The following NRXN3 variants were observed in gnomAD, a reference collection of about 807,000 sequenced individuals.
NRXN3 encodes the protein neurexin III.
A neutral mutation model predicts 137.6 loss-of-function variants in NRXN3; 32 were observed. The ratio of observed to expected loss-of-function variants is 0.23; its 90% CI spans 0.18 to 0.31. The LOEUF (loss-of-function observed/expected upper bound fraction) is 0.31. Among genes scored for constraint, NRXN3 ranks in the 10% least tolerant of loss-of-function variants. NRXN3 has a pLI of 1.00. For missense variants in NRXN3, 1,574 were observed against 2,062.5 expected, an observed-to-expected ratio of 0.76 and a Z score of 4.59; for synonymous variants, 798 against 784.5, an observed-to-expected ratio of 1.02 and a Z score of -0.29.
chr14:78,628,393 T>C (rs1384866106), intron 4 of NRXN3, among the ~76,000 whole-genome samples: 1 of 152,274 alleles, frequency 6.6e-6, no homozygotes, highest in East Asian at 1.9e-4. Context: ...TTTTTTATAC[T>C]TCACAATAAC....
chr14:79,790,080 T>C (rs1172187705), intron 19 of NRXN3, among the ~76,000 whole-genome samples: 1 of 152,202 alleles, frequency 6.6e-6, no homozygotes, highest in Non-Finnish European at 1.5e-5. Context: ...ATCAAAAATA[T>C]TGTCCCTTAT....
At position 78,234,994 on chromosome 14, in the gene NRXN3, T is replaced by TTATATATATATATATATA. The variant is rs57469863; in HGVS notation, c.-703-7385_-703-7368dup. 2.8e-3 allele frequency among the ~76,000 whole-genome samples: 309 copies of TTATATATATATATATATA among 108,726 alleles called. 1 individual carries two copies. Among genetic ancestry groups the TTATATATATATATATATA allele is most frequent in the African/African-American group, 9.5e-3 (288 of 30,434 alleles). 71.3% of individuals were successfully genotyped at this position (108,726 alleles called of 152,430 possible). Reference sequence around the variant, plus strand: ...GATTATCTGGCAGCCACAAATGCTTTTATATATATATATATATATATATAT... The same window carrying TTATATATATATATATATA: ...GATTATCTGGCAGCCACAAATGCTTTTATATATATATATATATATATATATATATATATATATATATAT... On this transcript the variant is annotated intron_variant, in intron 1 of 20. Coordinates refer to ENST00000335750, the MANE Select transcript of NRXN3 (RefSeq NM_001330195.2).
chr14:79,086,975 G>C (rs964969987), intron 15 of NRXN3, among the ~76,000 whole-genome samples: 4 of 152,170 alleles, frequency 2.6e-5, no homozygotes, highest in South Asian at 2.1e-4. Flanking sequence ...AAACACACCT[G>C]ATAACAATAA....
At chr14:79,391,892 T>C (rs1167192097) in intron 15 of NRXN3, among the ~76,000 whole-genome samples, 2 of 152,216 alleles carry the variant, frequency 1.3e-5, no homozygotes, top group African/African-American at 4.8e-5. Context: ...ATGCTAACTT[T>C]TTCTCAGAGG....
intron 4 of NRXN3, among the ~76,000 whole-genome samples, chr14:78,412,061 G>A (rs1358730966): frequency 6.6e-6 from 1 of 152,198 alleles, no homozygotes; most frequent in African/African-American, 2.4e-5. Context: ...ATGGGTGTGA[G>A]ATTTAAACAA....
At chr14:78,383,591 T>G (rs979277957) in intron 4 of NRXN3, among the ~76,000 whole-genome samples, 6 of 152,236 alleles carry the variant, frequency 3.9e-5, no homozygotes, top group Non-Finnish European at 8.8e-5. Context: ...AATAGGCATA[T>G]CATCTACTGT....
chr14:78,851,267 G>A (rs975457396), intron 10 of NRXN3, among the ~76,000 whole-genome samples: 1 of 152,234 alleles, frequency 6.6e-6, no homozygotes, highest in Non-Finnish European at 1.5e-5. Flanking sequence ...CTGATTTATA[G>A]TGTTGACATA....
chr14:79,539,888 T>C (rs991644934), intron 16 of NRXN3, among the ~76,000 whole-genome samples: 4 of 152,228 alleles, frequency 2.6e-5, no homozygotes, highest in Admixed American at 1.3e-4. Flanking sequence ...GGTGCCTACC[T>C]GAGATCCAGG....
At chr14:79,124,719 T>C (rs572199815) in intron 15 of NRXN3, among the ~76,000 whole-genome samples, 1 of 152,302 alleles carries the variant, frequency 6.6e-6, no homozygotes, top group Admixed American at 6.5e-5. Context: ...GAGGGAAATT[T>C]CCAAGGAGAA....
intron 10 of NRXN3, among the ~76,000 whole-genome samples, chr14:78,842,204 T>C (rs1410038895): frequency 6.6e-6 from 1 of 152,152 alleles, no homozygotes; most frequent in Non-Finnish European, 1.5e-5. Context: ...AATCTGGTCA[T>C]TTATTATCAG....
chr14:79,610,088 A>T (rs564012200), intron 16 of NRXN3, among the ~76,000 whole-genome samples: 2 of 152,322 alleles, frequency 1.3e-5, no homozygotes, highest in East Asian at 3.9e-4. Context: ...CCCAGAACTT[A>T]AAGTATAAAA....
intron 15 of NRXN3, among the ~76,000 whole-genome samples, chr14:79,446,368 T>A (rs911272200): frequency 2.6e-5 from 4 of 152,194 alleles, no homozygotes; most frequent in Non-Finnish European, 5.9e-5. Flanking sequence ...GAAAGTCTTA[T>A]CTCTGATGAA....
At chr14:79,140,598 TG>T (rs2058699662) in intron 15 of NRXN3, among the ~76,000 whole-genome samples, 1 of 151,854 alleles carries the variant, frequency 6.6e-6, no homozygotes, top group Non-Finnish European at 1.5e-5. Flanking sequence ...TGTGTGTGTG[TG>T]TGTGTGTGTG....
chr14:78,223,931 G>C (rs1212354280), intron 1 of NRXN3, among the ~76,000 whole-genome samples: 1 of 152,198 alleles, frequency 6.6e-6, no homozygotes, highest in Non-Finnish European at 1.5e-5. Flanking sequence ...CAGGCGTATT[G>C]AGAATGGCCA....
At chr14:78,678,500 A>G (rs2098035292) in intron 6 of NRXN3, among the ~76,000 whole-genome samples, 1 of 152,028 alleles carries the variant, frequency 6.6e-6, no homozygotes, top group African/African-American at 2.4e-5. Context: ...TAGTACATAT[A>G]CCTAGAAGTG....
intron 16 of NRXN3, among the ~76,000 whole-genome samples, chr14:79,579,802 A>C (rs559993987): frequency 6.6e-6 from 1 of 152,234 alleles, no homozygotes; most frequent in South Asian, 2.1e-4. Flanking sequence ...TAACATTTCA[A>C]GTTCTCTCTT....
At chr14:78,815,479 C>CTTTTGTTTTTTTTTTT (rs2098929331) in intron 10 of NRXN3, among the ~76,000 whole-genome samples, 1 of 84,436 alleles carries the variant, frequency 1.2e-5, no homozygotes, top group Non-Finnish European at 2.2e-5. Context: ...TTGTTTCTTT[C>CTTTTGTTTTTTTTTTT]TTTTTTTTTT....
chr14:78,170,952 CTTTTTTTT>C (rs545853025), intron 1 of NRXN3, among the ~76,000 whole-genome samples: 2 of 126,212 alleles, frequency 1.6e-5, no homozygotes, highest in Non-Finnish European at 3.3e-5. Flanking sequence ...TCTTCTTCTT[CTTTTTTTT>C]TTTTTTTTTT....
chr14:79,811,585 T>TC lies in NRXN3; in HGVS notation c.4093+6395_4093+6396insC, dbSNP rs933755069. Among the ~76,000 whole-genome samples the TC allele has an allele frequency of 4.3e-5, 6 of 138,550 alleles. No individual in the cohort carries two copies. In the South Asian group the frequency reaches 1.1e-3, roughly 26 times the overall value. 90.9% of individuals were successfully genotyped at this position (138,550 alleles called of 152,430 possible). A position where few individuals can be genotyped will look rare whatever the true frequency, so the allele number is the denominator to read the frequency against. ...TTCTTTTCTTTTTTCTTTTTTCTTT[T>TC]TTTTTTTTTTTTTTGAGATGGAGTG... On this transcript the variant is annotated intron_variant, in intron 20 of 20. Transcript: ENST00000335750.
Sources: allele counts gnomAD v4.1 joint callset (sites outside exome capture counted in the v4.1 genomes callset), GRCh38; gene constraint gnomAD v4.1.1; transcripts MANE v1.5; gene names NCBI Gene and HGNC (gene_info 2026-07-23, HGNC 2026-07-21).